SORCS1: variants seen among roughly 807,000 people sequenced by gnomAD.
SORCS1 encodes VPS10 domain-containing receptor SorCS1.
SORCS1 carries 60 observed loss-of-function variants against 146.1 expected under a neutral mutation model. The ratio of observed to expected loss-of-function variants is 0.41; its 90% CI spans 0.33 to 0.51. The LOEUF (loss-of-function observed/expected upper bound fraction) is 0.51. SORCS1 is among the 20% of genes least tolerant of loss of function. SORCS1 has a pLI of 0.21. For missense variants in SORCS1, 1,352 were observed against 1,487.6 expected, an observed-to-expected ratio of 0.91 and a Z score of 1.50; for synonymous variants, 637 against 584.0, an observed-to-expected ratio of 1.09 and a Z score of -1.31.
At chr10:107,106,587 A>G (rs1193562340) in intron 1 of SORCS1, among the ~76,000 whole-genome samples, 1 of 152,210 alleles carries the variant, frequency 6.6e-6, no homozygotes, top group Non-Finnish European at 1.5e-5. Flanking sequence ...TTGTAGAATC[A>G]CCAAGGAAAA....
intron 1 of SORCS1, among the ~76,000 whole-genome samples, chr10:107,083,749 G>A (rs576782091): frequency 6.6e-6 from 1 of 152,308 alleles, no homozygotes; most frequent in African/African-American, 2.4e-5. Context: ...AGGAAAGAGG[G>A]CAGGAGGATG....
At chr10:106,977,641 A>C (rs1370021285) in intron 1 of SORCS1, among the ~76,000 whole-genome samples, 1 of 137,206 alleles carries the variant, frequency 7.3e-6, no homozygotes, top group African/African-American at 2.9e-5. Flanking sequence ...TTGTTTTTAT[A>C]ATTTCTTGTG....
intron 1 of SORCS1, among the ~76,000 whole-genome samples, chr10:107,132,648 T>A (rs567764574): frequency 6.6e-6 from 1 of 152,154 alleles, no homozygotes. Context: ...CATAGAGAAT[T>A]TGGCCTACTT....
At chr10:106,726,849 G>A (rs1309190092) in intron 6 of SORCS1, among the ~76,000 whole-genome samples, 1 of 152,166 alleles carries the variant, frequency 6.6e-6, no homozygotes, top group Non-Finnish European at 1.5e-5. Flanking sequence ...CACTTTGGGA[G>A]GCCGAGACGG....
chr10:106,668,423 C>G (rs1851339260), intron 16 of SORCS1, among the ~76,000 whole-genome samples: 1 of 152,254 alleles, frequency 6.6e-6, no homozygotes, highest in Admixed American at 6.5e-5. Context: ...AATCCTCTCT[C>G]TACTTCGGAA....
At chr10:106,963,067 CAA>C (rs1025900290) in intron 1 of SORCS1, among the ~76,000 whole-genome samples, 6 of 140,958 alleles carry the variant, frequency 4.3e-5, no homozygotes, top group African/African-American at 1.5e-4. Flanking sequence ...TCATGAGAAT[CAA>C]AGAGTTGGAT....
chr10:106,631,685 G>A (rs1408227764), intron 18 of SORCS1, among the ~76,000 whole-genome samples: 1 of 152,188 alleles, frequency 6.6e-6, no homozygotes, highest in African/African-American at 2.4e-5. Context: ...AAAGGACAGA[G>A]GGGAGATTCA....
chr10:106,838,228 C>CT (rs1239439582), intron 2 of SORCS1, among the ~76,000 whole-genome samples: 2 of 152,190 alleles, frequency 1.3e-5, no homozygotes, highest in African/African-American at 4.8e-5. Context: ...AGAAGGGACA[C>CT]TAGGGTGGTG....
At chr10:106,972,331 T>C (rs2418832) in intron 1 of SORCS1, among the ~76,000 whole-genome samples, 62,583 of 148,268 alleles carry the variant, frequency 0.42, 15,842 homozygotes, top group African/African-American at 0.72. Flanking sequence ...CAGTGAGCTG[T>C]GATCGCACCA....
chr10:107,036,621 A>G (rs1958919533), intron 1 of SORCS1, among the ~76,000 whole-genome samples: 1 of 152,174 alleles, frequency 6.6e-6, no homozygotes, highest in African/African-American at 2.4e-5. Flanking sequence ...CATCTCCCTG[A>G]GCTGGTTCCA....
At chr10:106,956,165 C>T (rs546883797) in intron 2 of SORCS1, among the ~76,000 whole-genome samples, 2 of 152,196 alleles carry the variant, frequency 1.3e-5, no homozygotes, top group African/African-American at 2.4e-5. Context: ...TAGAGAGCCT[C>T]GTTCTGCAGA....
intron 24 of SORCS1, among the ~76,000 whole-genome samples, 156 bp downstream of exon 24, chr10:106,597,195 G>A (rs1168972885): frequency 6.6e-6 from 1 of 152,172 alleles, no homozygotes; most frequent in African/African-American, 2.4e-5. Flanking sequence ...CTCCATTAAG[G>A]CAGAAACACC....
At chr10:106,679,855 TCCAA>T in intron 10 of SORCS1, 121 bp from the exon 11 acceptor site, 1 of 703,374 alleles carries the variant, frequency 1.4e-6, no homozygotes, top group Middle Eastern at 3.4e-4. Context: ...CATGCACCAC[TCCAA>T]CCACCCATTG....
intron 1 of SORCS1, among the ~76,000 whole-genome samples, chr10:107,053,715 C>G (rs17122003): frequency 0.011 from 1,619 of 152,246 alleles, 15 homozygotes; most frequent in South Asian, 0.028. Context: ...AAGCAAAATA[C>G]GTTTCATTAT....
At chr10:106,884,431 A>G (rs1034812726) in intron 2 of SORCS1, among the ~76,000 whole-genome samples, 2 of 148,836 alleles carry the variant, frequency 1.3e-5, no homozygotes, top group Non-Finnish European at 3.0e-5. Context: ...TTCACATTCT[A>G]TTTTTTTTTT....
At chr10:106,589,697 GAA>G (rs1157873689) in intron 24 of SORCS1, among the ~76,000 whole-genome samples, 19 of 55,772 alleles carry the variant, frequency 3.4e-4, no homozygotes, top group Non-Finnish European at 5.4e-4. Context: ...CTTTGACGAC[GAA>G]AAAAAAAAAA....
At chr10:107,143,879 C>T (rs1968063179) in intron 1 of SORCS1, among the ~76,000 whole-genome samples, 1 of 152,060 alleles carries the variant, frequency 6.6e-6, no homozygotes, top group Non-Finnish European at 1.5e-5. Context: ...AATCCACTCA[C>T]CTCAGCCTCC....
intron 17 of SORCS1, among the ~76,000 whole-genome samples, chr10:106,660,342 GATTAAATCC>G (rs1376597869): frequency 7.9e-4 from 120 of 152,264 alleles, no homozygotes; most frequent in Middle Eastern, 3.4e-3. Context: ...ATTGTGTAAT[GATTAAATCC>G]ATCATATCCA....
chr10:107,052,828 T>C (rs1375803327), intron 1 of SORCS1, among the ~76,000 whole-genome samples: 1 of 152,114 alleles, frequency 6.6e-6, no homozygotes, highest in Non-Finnish European at 1.5e-5. Context: ...TATTAGAACA[T>C]TAGTGATAGA....
Sources: allele counts gnomAD v4.1 joint callset (sites outside exome capture counted in the v4.1 genomes callset), GRCh38; gene constraint gnomAD v4.1.1; transcripts MANE v1.5; gene names NCBI Gene and HGNC (gene_info 2026-07-23, HGNC 2026-07-21).